ASAP3: variants seen among roughly 807,000 people sequenced by gnomAD.
ASAP3 encodes arf-GAP with SH3 domain, ANK repeat and PH domain-containing protein 3.
ASAP3 carries 85 observed loss-of-function variants against 118.2 expected under a neutral mutation model. That is an observed-to-expected ratio of 0.72 (90% CI 0.60 to 0.86). ASAP3 has a LOEUF of 0.86. ASAP3 is among the 40% of genes least tolerant of loss of function. ASAP3 has a pLI of 0.00. For synonymous variants in ASAP3, 432 were observed against 477.4 expected (o/e 0.90, Z 1.24); for missense variants, 1,026 against 1,175.0 (o/e 0.87, Z 1.85).
At chr1:23,483,292 C>T (rs956679932) in intron 1 of ASAP3, among the ~76,000 whole-genome samples, 1 of 152,152 alleles carries the variant, frequency 6.6e-6, no homozygotes, top group Non-Finnish European at 1.5e-5. Flanking sequence ...GGGTGTCTGT[C>T]CTAGAATATT....
intron 1 of ASAP3, among the ~76,000 whole-genome samples, chr1:23,476,857 A>C (rs897778740): frequency 7.3e-5 from 11 of 151,120 alleles, no homozygotes; most frequent in Admixed American, 1.3e-4. Flanking sequence ...TTCTCTATGA[A>C]TGCTCCTTTT....
intron 1 of ASAP3, among the ~76,000 whole-genome samples, chr1:23,467,173 C>CATTATTATTATTATT (rs60663868): frequency 7.2e-4 from 107 of 148,332 alleles, no homozygotes; most frequent in Middle Eastern, 3.4e-3. Context: ...CCATTACAGC[C>CATTATTATTATTATT]ATTATTATTA....
chr1:23,468,965 C>CA (rs888548760), intron 1 of ASAP3, among the ~76,000 whole-genome samples: 11 of 104,782 alleles, frequency 1.0e-4, no homozygotes, highest in African/African-American at 2.2e-4. Context: ...AAAAAAAAAA[C>CA]AAAAAAAACC....
intron 19 of ASAP3, 103 bp downstream of exon 19, chr1:23,434,151 A>G: frequency 9.2e-7 from 1 of 1,083,704 alleles, no homozygotes; most frequent in Admixed American, 1.8e-5. Flanking sequence ...AAGATCACAG[A>G]GGTGGTCAGA....
At chr1:23,451,335 G>C (rs1003733517) in intron 5 of ASAP3, 144 bp downstream of exon 5, 11 of 876,896 alleles carry the variant, frequency 1.3e-5, no homozygotes, top group Admixed American at 2.1e-5. Context: ...GTCAGGTCTG[G>C]GTATAAACAA....
At position 23,437,170 on chromosome 1, in the gene ASAP3, G is replaced by A. The variant is rs754262146; in HGVS notation, c.1302C>T (p.Ser434=). Residue 434 remains serine (S), a synonymous_variant, in exon 14 of 25, where the codon AGC becomes AGT. Coordinates refer to ENST00000336689, the MANE Select transcript of ASAP3 (RefSeq NM_017707.4). This position sits in a 1 kb window ranked among gnomAD's most constrained non-coding sequence, Gnocchi z 6.1. ...CGCAGCACTGGCTATTCCCAGGCCT[G>A]CTCTTCACCTCCGCGATGAGCAGCT... ...LTKLLIAEVK[S]RPGNSQCCDC... The A allele has an allele frequency of 6.2e-7, 1 of 1,608,338 alleles. No individual in the cohort carries two copies. The highest frequency in any genetic ancestry group is 8.5e-7 in the Non-Finnish European group (1 of 1,177,764).
At chr1:23,432,134 G>A (rs187155014) in intron 22 of ASAP3, among the ~76,000 whole-genome samples, 29 of 151,754 alleles carry the variant, frequency 1.9e-4, no homozygotes, top group African/African-American at 6.3e-4. Flanking sequence ...AGCCTCCAGA[G>A]TAGCTGGGAT....
intron 1 of ASAP3, among the ~76,000 whole-genome samples, chr1:23,464,696 C>CAAAAAA (rs1641709966): frequency 9.5e-6 from 1 of 105,304 alleles, no homozygotes; most frequent in African/African-American, 4.1e-5. Flanking sequence ...AAAAAAAAAT[C>CAAAAAA]AGCTTCTGGG....
chr1:23,431,590 G>A lies in ASAP3; in HGVS notation c.2546+106C>T, dbSNP rs1330977111. 3.4e-5 allele frequency: 37 copies of A among 1,093,014 alleles called. 1 individual carries two copies. The highest frequency in any genetic ancestry group is 4.9e-5 in the African/African-American group (3 of 61,704). The allele number at this position is 1,093,014 out of a possible 1,614,324, so 67.7% of individuals were successfully genotyped here. On this transcript the variant is annotated intron_variant, in intron 23 of 24. Coordinates refer to ENST00000336689, the MANE Select transcript of ASAP3 (RefSeq NM_017707.4). ...CATAAGTGATGGGCCCAGAGATGGC[G>A]TGTGACCCAGTCTTTAGGCAGGTAC... is the stretch of plus-strand genomic sequence containing the variant.
chr1:23,432,939 G>A, intron 22 of ASAP3, 138 bp downstream of exon 22: 1 of 864,738 alleles, frequency 1.2e-6, no homozygotes, highest in East Asian at 2.7e-5. Context: ...TTATCTGTAA[G>A]GGGAAGATGA....
Position 23,456,136 on chromosome 1 carries a change from T to C in ASAP3, c.188A>G (p.His63Arg), listed in dbSNP as rs1202143420. 4 of 1,614,152 alleles carry C rather than the reference T, an allele frequency of 2.5e-6. No individual in the cohort carries two copies. In the South Asian group the frequency reaches 3.3e-5, roughly 13 times the overall value. Residue 63 changes from histidine to arginine, a missense_variant, in exon 2 of 25, where the codon CAT becomes CGT. Transcript: ENST00000336689. ...QRIKKAVRAI[H>R]SSGLGHVENE... ...GGCTCACTTACCAAGGCCGGAGCTA[T>C]GGATTGCCCGCACAGCCTTCTTTAT...
chr1:23,439,800 C>G (rs1339787613), intron 10 of ASAP3, among the ~76,000 whole-genome samples: 1 of 152,084 alleles, frequency 6.6e-6, no homozygotes, highest in African/African-American at 2.4e-5. Flanking sequence ...TTGCATTTCA[C>G]AGCAGTTTTG....
chr1:23,451,459 C>A lies in ASAP3; in HGVS notation c.473+20G>T, dbSNP rs201897852. On this transcript the variant is annotated intron_variant, in intron 5 of 24. Transcript: ENST00000336689. ...AAGTGCTACTCTCCCAGACAAACGA[C>A]CCTGGCTGTGGCCACTTACATTTTG... 2.7e-4 allele frequency: 437 copies of A among 1,613,280 alleles called. 1 individual carries two copies. In the Middle Eastern group the frequency reaches 0.01, roughly 37 times the overall value.
At chr1:23,474,291 T>C (rs890973577) in intron 1 of ASAP3, among the ~76,000 whole-genome samples, 12 of 152,120 alleles carry the variant, frequency 7.9e-5, no homozygotes, top group African/African-American at 2.4e-4. Context: ...GACCTCCGTG[T>C]TGCCAAAGCC....
chr1:23,481,594 A>G (rs1043102622), intron 1 of ASAP3, among the ~76,000 whole-genome samples: 1 of 152,154 alleles, frequency 6.6e-6, no homozygotes, highest in Non-Finnish European at 1.5e-5. Flanking sequence ...ATGAACCTCT[A>G]CGTGCACCAA....
chr1:23,466,524 C>T (rs955298000), intron 1 of ASAP3, among the ~76,000 whole-genome samples: 8 of 152,222 alleles, frequency 5.3e-5, no homozygotes, highest in Admixed American at 6.5e-5. Flanking sequence ...CTGATCCCAA[C>T]ATACACACAC....
chr1:23,442,935 GA>G (rs1294382148), intron 5 of ASAP3, among the ~76,000 whole-genome samples: 2 of 152,210 alleles, frequency 1.3e-5, no homozygotes, highest in Non-Finnish European at 2.9e-5. Context: ...GGGCAAGAGG[GA>G]TGGACCATGT....
rs1430097812 is a variant in ASAP3, at chr1:23,441,459, C to T, written c.762G>A (p.Gln254=). 1.4e-5 allele frequency: 23 copies of T among 1,614,016 alleles called. No homozygotes were observed. The highest frequency in any genetic ancestry group is 1.8e-5 in the Non-Finnish European group (21 of 1,180,018). Reference sequence around the variant, plus strand: ...GGGTCAGCTTCTGTAGCTCGTCCTCCTGGGCCTGATGGAGCTATGGGACAG... The same window carrying T: ...GGGTCAGCTTCTGTAGCTCGTCCTCTTGGGCCTGATGGAGCTATGGGACAG... ...AASVHALHQA[Q]EDELQKLTQL... Residue 254 remains glutamine (Q), a synonymous_variant, in exon 9 of 25, where the codon CAG becomes CAA. Transcript: ENST00000336689.
rs1341071848 is a variant in ASAP3, at chr1:23,436,538, C to G, written c.1571+22G>C. On this transcript the variant is annotated intron_variant, in intron 16 of 24. Coordinates refer to ENST00000336689, the MANE Select transcript of ASAP3 (RefSeq NM_017707.4). The surrounding 1 kb of genome is among the most constrained non-coding windows in gnomAD (Gnocchi z 4.2). Reference sequence around the variant, plus strand: ...GCAGAATCCCCTAGGCAGGGTGCCCCTCTCTCTGAGAATCCCCTTACATGT... The same window carrying G: ...GCAGAATCCCCTAGGCAGGGTGCCCGTCTCTCTGAGAATCCCCTTACATGT... 3 of 1,608,864 alleles carry G rather than the reference C, an allele frequency of 1.9e-6. No individual in the cohort carries two copies. The South Asian group carries it at 3.3e-5, about 18-fold the overall frequency.
Sources: gnomAD v4.1 joint callset for allele counts (sites outside exome capture counted in the v4.1 genomes callset) on GRCh38, gnomAD v4.1.1 for gene constraint, Gnocchi (gnomAD v3.1) non-coding constraint, MANE v1.5 for transcripts, NCBI Gene and HGNC (gene_info 2026-07-23, HGNC 2026-07-21) for gene names.